The following KLC2 variants were observed in gnomAD, a reference collection of about 807,000 sequenced individuals.
The protein encoded by KLC2 is kinesin light chain 2.
A neutral mutation model predicts 75.1 loss-of-function variants in KLC2; 35 were observed. The ratio of observed to expected loss-of-function variants is 0.47; its 90% CI spans 0.36 to 0.62. KLC2 has a LOEUF of 0.62. Ranked by LOEUF, KLC2 falls within the 20% of genes least tolerant of loss-of-function variation. The pLI, the probability that KLC2 is intolerant of heterozygous loss-of-function variation, is 0.00. For missense variants in KLC2, 611 were observed against 833.2 expected, an observed-to-expected ratio of 0.73 and a Z score of 3.28; for synonymous variants, 314 against 336.7, an observed-to-expected ratio of 0.93 and a Z score of 0.74.
the KLC2 span, among the ~76,000 whole-genome samples, chr11:66,250,100 T>G: frequency 4.6e-5 from 7 of 151,878 alleles, no homozygotes; most frequent in Non-Finnish European, 8.8e-5. Context: ...AACCCCAGAG[T>G]AAGCTCCTTT....
chr11:66,264,287 G>A (rs1285637129), intron 8 of KLC2, 58 bp from the exon 9 acceptor site: 4 of 1,571,630 alleles, frequency 2.5e-6, no homozygotes, highest in African/African-American at 1.3e-5. Flanking sequence ...GGGGAAGAAG[G>A]AGAGAAAAAG....
chr11:66,264,221 T>C lies in KLC2; in HGVS notation c.1116+2T>C, dbSNP rs1329405181. The C allele has an allele frequency of 6.4e-7, 1 of 1,570,340 alleles. No individual in the cohort carries two copies. Among genetic ancestry groups the C allele is most frequent in the Non-Finnish European group, 8.6e-7 (1 of 1,156,750 alleles). On this transcript the variant is annotated splice_donor_variant, in intron 8 of 15. Coordinates refer to ENST00000394067, the MANE Select transcript of KLC2 (RefSeq NM_001318734.2). LOFTEE classifies it high-confidence loss of function. ...GTGGCCAAGACCAAGAACAACCTGGTACCTTGGGGCTGAGAGGAGCTGGAG... is the reference window on the plus strand; with the variant it reads ...GTGGCCAAGACCAAGAACAACCTGGCACCTTGGGGCTGAGAGGAGCTGGAG...
rs2134835793 is a variant in KLC2 at position 66,265,631 on chromosome 11, A to C, written c.1335-24A>C. ...GGGCCCTGGGTCTGGGGGAACATGG[A>C]GTTTGAGACTGTCCCATCCACAGCC... On this transcript the variant is annotated intron_variant, in intron 11 of 15. Coordinates refer to ENST00000394067, the MANE Select transcript of KLC2 (RefSeq NM_001318734.2). The C allele has an allele frequency of 7.6e-6, 12 of 1,577,326 alleles. No individual in the cohort carries two copies. The East Asian group carries it at 2.0e-4, about 27-fold the overall frequency.
intron 8 of KLC2, 55 bp from the exon 9 acceptor site, chr11:66,264,290 A>G: frequency 1.9e-6 from 3 of 1,574,050 alleles, no homozygotes; most frequent in South Asian, 2.3e-5. Context: ...GAAGAAGGAG[A>G]GAAAAAGGCT....
chr11:66,249,420 A>G, the KLC2 span, among the ~76,000 whole-genome samples: 1 of 152,182 alleles, frequency 6.6e-6, no homozygotes, highest in Non-Finnish European at 1.5e-5. Context: ...TCTGCTGTAC[A>G]GGAGGTTTCA....
intron 11 of KLC2, 192 bp downstream of exon 11, chr11:66,265,427 G>A: frequency 1.5e-6 from 1 of 681,532 alleles, no homozygotes. Flanking sequence ...CCAGCTTTTG[G>A]TCCTGGTGAC....
chr11:66,265,400 C>G lies in KLC2; in HGVS notation c.1334+165C>G. ...CTGTCTCCCAATTCTCAGCCTAATT[C>G]TCTGGCTCTGGGTCTCCCAGCTTTT... On this transcript the variant is annotated intron_variant, in intron 11 of 15. Transcript: ENST00000394067. The G allele has an allele frequency of 4.2e-6, 3 of 713,420 alleles. No individual in the cohort carries two copies. In the Middle Eastern group the frequency reaches 1.2e-3, roughly 284 times the overall value. 44.2% of individuals were successfully genotyped at this position (713,420 alleles called of 1,614,324 possible). A position where few individuals can be genotyped will look rare whatever the true frequency, so the allele number is the denominator to read the frequency against.
At position 66,261,775 on chromosome 11, in the gene KLC2, G is replaced by T. The variant is rs556261444; in HGVS notation, c.262G>T (p.Val88Leu). 8.7e-6 allele frequency: 14 copies of T among 1,612,486 alleles called. No homozygotes were observed. In the African/African-American group the frequency reaches 1.7e-4, roughly 20 times the overall value. Residue 88 changes from valine (V) to leucine (L), a missense_variant, in exon 3 of 16, where the codon GTA becomes TTA. Coordinates refer to ENST00000394067, the MANE Select transcript of KLC2 (RefSeq NM_001318734.2). Reference protein sequence around the residue: ...ILALSSHLGAVESEKQKLRAQ... With the variant: ...ILALSSHLGALESEKQKLRAQ... ...GGCATTGTCGAGCCACCTGGGGGCT[G>T]TAGAATCAGAGAAGCAGAAGCTGCG...
At chr11:66,265,555 C>T (rs1442706331) in intron 11 of KLC2, 100 bp from the exon 12 acceptor site, 3 of 952,214 alleles carry the variant, frequency 3.2e-6, no homozygotes, top group Non-Finnish European at 4.8e-6. Context: ...ATTCTGGCTA[C>T]CCCGGAGGTC....
Position 66,264,213 on chromosome 11 carries a change from C to A in KLC2, c.1110C>A (p.Asn370Lys). Residue 370 changes from asparagine to lysine, a missense_variant, in exon 8 of 16, where the codon AAC becomes AAA. Coordinates refer to ENST00000394067, the MANE Select transcript of KLC2 (RefSeq NM_001318734.2). ...PDDPNVAKTKNNLASCYLKQG... is the reference protein window; with the variant it reads ...PDDPNVAKTKKNLASCYLKQG... ...ACCCCAATGTGGCCAAGACCAAGAA[C>A]AACCTGGTACCTTGGGGCTGAGAGG... 2 of 1,571,494 alleles carry A rather than the reference C, an allele frequency of 1.3e-6. No individual in the cohort carries two copies. Among genetic ancestry groups the A allele is most frequent in the Non-Finnish European group, 1.7e-6 (2 of 1,157,366 alleles).
Position 66,267,076 on chromosome 11 carries a change from C to G in KLC2, c.*120C>G. The stretch of plus-strand genomic sequence containing the variant: ...TCCCACAGCCCCTGTCTTTTCTGTT[C>G]AATCTCAGGGTAACCTTCTCCCTTG... On this transcript the variant is annotated 3_prime_UTR_variant, in exon 16 of 16. Transcript: ENST00000394067. The G allele has an allele frequency of 1.3e-6, 2 of 1,551,782 alleles. No homozygotes were observed. The highest frequency in any genetic ancestry group is 1.7e-6 in the Non-Finnish European group (2 of 1,148,520).
chr11:66,253,813 C>G (rs1197647254), upstream of KLC2, among the ~76,000 whole-genome samples: 1 of 152,264 alleles, frequency 6.6e-6, no homozygotes, highest in Non-Finnish European at 1.5e-5. Context: ...CCGGGCGGAG[C>G]AGCCAGCGCC....
At chr11:66,264,573 T>A in intron 9 of KLC2, 129 bp downstream of exon 9, 1 of 717,118 alleles carries the variant, frequency 1.4e-6, no homozygotes, top group South Asian at 1.6e-5. Context: ...AGCCTCACCC[T>A]CAGATGGTGC....
the KLC2 span, among the ~76,000 whole-genome samples, chr11:66,249,251 C>G: frequency 1.3e-5 from 2 of 152,310 alleles, no homozygotes; most frequent in South Asian, 4.1e-4. Context: ...CTGTGAAGGG[C>G]ACATGCCGTC....
rs1856643448 is a variant in KLC2 at position 66,264,185 on chromosome 11, A to G, written c.1082A>G (p.Asp361Gly). The G allele has an allele frequency of 6.4e-7, 1 of 1,570,930 alleles. No homozygotes were observed. The highest frequency in any genetic ancestry group is 8.6e-7 in the Non-Finnish European group (1 of 1,157,174). Residue 361 changes from aspartate to glycine, a missense_variant, in exon 8 of 16, where the codon GAT (aspartate) becomes GGT (glycine). Physicochemically the swap from Asp to Gly is moderately conservative, Grantham distance 94. Transcript: ENST00000394067. ...ATCTATGCTACACGCCTCGGGCCCG[A>G]TGACCCCAATGTGGCCAAGACCAAG... ...LEIYATRLGPDDPNVAKTKNN... is the reference protein window; with the variant it reads ...LEIYATRLGPGDPNVAKTKNN...
chr11:66,254,664 TAAAAAAAA>T (rs34541214), upstream of KLC2, among the ~76,000 whole-genome samples: 1 of 107,888 alleles, frequency 9.3e-6, no homozygotes, highest in Non-Finnish European at 1.8e-5. Flanking sequence ...CCTCGGCTCT[TAAAAAAAA>T]AAAAAAAAAA....
At chr11:66,252,571 C>T (rs1214809195), upstream of KLC2, among the ~76,000 whole-genome samples, 2 of 152,178 alleles carry the variant, frequency 1.3e-5, no homozygotes, top group African/African-American at 4.8e-5. Flanking sequence ...CCCCTTTATG[C>T]CATTTTATTG....
rs1402403082 is a variant in KLC2 at position 66,267,745 on chromosome 11, T to C, written c.*789T>C. On this transcript the variant is annotated 3_prime_UTR_variant, in exon 16 of 16. Coordinates refer to ENST00000394067, the MANE Select transcript of KLC2 (RefSeq NM_001318734.2). ...CGCCTCCCCCCACGCCTGCAGCTTCTCGCGAGGGGCGGCGACGGTCCCCTG... is the reference window on the plus strand; with the variant it reads ...CGCCTCCCCCCACGCCTGCAGCTTCCCGCGAGGGGCGGCGACGGTCCCCTG... The C allele has an allele frequency of 2.2e-6, 1 of 460,626 alleles. No individual in the cohort carries two copies. The highest frequency in any genetic ancestry group is 3.8e-6 in the Non-Finnish European group (1 of 262,798). The allele number at this position is 460,626 out of a possible 1,614,324, so 28.5% of individuals were successfully genotyped here.
chr11:66,260,513 G>A (rs753644878), intron 2 of KLC2, among the ~76,000 whole-genome samples: 25 of 152,306 alleles, frequency 1.6e-4, no homozygotes, highest in South Asian at 1.0e-3. Context: ...GGTGGCTCAC[G>A]CCTGTAATTC....
Sources: allele counts gnomAD v4.1 joint callset (sites outside exome capture counted in the v4.1 genomes callset), GRCh38; gene constraint gnomAD v4.1.1; transcripts MANE v1.5; gene names NCBI Gene and HGNC (gene_info 2026-07-23, HGNC 2026-07-21).